Variants in TPD52L2 observed in about 807,000 individuals in gnomAD.
TPD52L2 encodes the protein TPD52 like 2, also known as tumor protein D54.
TPD52L2 carries 19 observed loss-of-function variants against 24.7 expected under a neutral mutation model. The observed-to-expected ratio is 0.77, with a 90% confidence interval of 0.54 to 1.13. The LOEUF (loss-of-function observed/expected upper bound fraction) is 1.13, where lower values mean the gene tolerates loss of function less well. Among genes scored for constraint, TPD52L2 ranks in the 50% most tolerant of loss-of-function variants. The pLI, the probability that TPD52L2 is intolerant of heterozygous loss-of-function variation, is 0.00. For missense variants in TPD52L2, 236 were observed against 250.4 expected (o/e 0.94, Z 0.39); for synonymous variants, 104 against 100.2 (o/e 1.04, Z -0.23).
In TPD52L2 at chr20:63,887,824, G is replaced by C; in HGVS notation, c.477-1366G>C. 4 of 592,080 alleles carry C rather than the reference G, an allele frequency of 6.8e-6. No individual in the cohort carries two copies. The South Asian group carries it at 7.9e-5, about 12-fold the overall frequency. The allele number at this position is 592,080 out of a possible 1,614,324, so 36.7% of individuals were successfully genotyped here. ...AGGCTCTTCACCTGCAGCCTCCAGA[G>C]GAGATCCTTGTGTCAAACTGGGCCG... On this transcript the variant is annotated intron_variant, in intron 5 of 6. Coordinates refer to ENST00000346249, the MANE Select transcript of TPD52L2 (RefSeq NM_003288.4).
At chr20:63,880,664 G>A (rs1271691721) in intron 4 of TPD52L2, among the ~76,000 whole-genome samples, 1 of 151,872 alleles carries the variant, frequency 6.6e-6, no homozygotes, top group Admixed American at 6.6e-5. Flanking sequence ...GCTGAGGCAG[G>A]CGGATCACGA....
At chr20:63,868,859 T>G (rs1387585500) in intron 1 of TPD52L2, among the ~76,000 whole-genome samples, 9 of 152,174 alleles carry the variant, frequency 5.9e-5, no homozygotes, top group Admixed American at 5.9e-4. Flanking sequence ...GAGAATCACT[T>G]GAACCCGGGA....
At chr20:63,875,003 G>T (rs190863803) in intron 3 of TPD52L2, among the ~76,000 whole-genome samples, 5 of 151,958 alleles carry the variant, frequency 3.3e-5, no homozygotes, top group African/African-American at 1.2e-4. Flanking sequence ...TTAGCTGGGC[G>T]TGGTGGTGCG....
At chr20:63,875,955 A>G (rs887988933) in intron 4 of TPD52L2, 80 bp downstream of exon 4, 2 of 1,390,944 alleles carry the variant, frequency 1.4e-6, no homozygotes, top group African/African-American at 2.9e-5. Context: ...GGCTGTGCAC[A>G]CTTGGCACAA....
chr20:63,884,160 A>G (rs1404601543), intron 5 of TPD52L2, among the ~76,000 whole-genome samples: 4 of 152,144 alleles, frequency 2.6e-5, no homozygotes, highest in African/African-American at 9.7e-5. Context: ...GCACCCTCAC[A>G]CGCCCAAGGC....
At chr20:63,869,486 G>T in intron 2 of TPD52L2, 45 bp downstream of exon 2, 4 of 1,607,222 alleles carry the variant, frequency 2.5e-6, no homozygotes, top group Non-Finnish European at 3.4e-6. Flanking sequence ...TGGAGTTAAG[G>T]CCCTCTTGGA....
chr20:63,889,671 G>C (rs981556720), intron 6 of TPD52L2, among the ~76,000 whole-genome samples, 179 bp from the exon 7 acceptor site: 1 of 152,188 alleles, frequency 6.6e-6, no homozygotes, highest in African/African-American at 2.4e-5. Flanking sequence ...GTCTTCATTT[G>C]GCATCGTTCT....
At chr20:63,867,960 G>A (rs1473790209) in intron 1 of TPD52L2, among the ~76,000 whole-genome samples, 1 of 146,988 alleles carries the variant, frequency 6.8e-6, no homozygotes, top group African/African-American at 2.5e-5. Context: ...TTTTTTTAAA[G>A]AATTTTTTTT....
At chr20:63,887,484 T>A (rs1410998447) in intron 5 of TPD52L2, 2 of 1,484,212 alleles carry the variant, frequency 1.3e-6, no homozygotes, top group African/African-American at 1.4e-5. Context: ...GCTCTGCCCA[T>A]CCCTGCCAAG....
At chr20:63,883,339 G>C (rs1337154004) in intron 5 of TPD52L2, among the ~76,000 whole-genome samples, 1 of 152,192 alleles carries the variant, frequency 6.6e-6, no homozygotes, top group South Asian at 2.1e-4. Context: ...AAGCAGGGCT[G>C]GGGCCAAGGA....
At position 63,890,993 on chromosome 20, in the gene TPD52L2, G is replaced by T. The variant is rs1259623680; in HGVS notation, c.*1048G>T. The T allele has an allele frequency of 6.6e-6, 1 of 152,596 alleles. No individual in the cohort carries two copies. Among genetic ancestry groups the T allele is most frequent in the Non-Finnish European group, 1.5e-5 (1 of 68,100 alleles). The allele number at this position is 152,596 out of a possible 1,614,324, so 9.5% of individuals were successfully genotyped here. ...GTCAGTGACTCCAACCCTCCTGCTT[G>T]CTGTACTTGGGATGAAACGACCCCA... is the stretch of plus-strand genomic sequence containing the variant. On this transcript the variant is annotated 3_prime_UTR_variant, in exon 7 of 7. Coordinates refer to ENST00000346249, the MANE Select transcript of TPD52L2 (RefSeq NM_003288.4).
At position 63,873,651 on chromosome 20, in the gene TPD52L2, A is replaced by G. The variant is rs757854599; in HGVS notation, c.166-17A>G. The G allele has an allele frequency of 8.7e-6, 14 of 1,610,574 alleles. No individual in the cohort carries two copies. The highest frequency in any genetic ancestry group is 1.0e-5 in the Non-Finnish European group (12 of 1,178,734). On this transcript the variant is annotated splice_polypyrimidine_tract_variant and intron_variant, in intron 2 of 6. Transcript: ENST00000346249. The stretch of plus-strand genomic sequence containing the variant: ...TGCAGTAGTGATGGCTCATCATGTC[A>G]ACTGCATGCTTTGCAGGTGGAAGAG...
At chr20:63,874,523 G>A (rs531442320) in intron 3 of TPD52L2, among the ~76,000 whole-genome samples, 171 of 152,030 alleles carry the variant, frequency 1.1e-3, no homozygotes, top group African/African-American at 3.9e-3. Context: ...ACAGGCGTGC[G>A]CCACCATGCC....
intron 5 of TPD52L2, among the ~76,000 whole-genome samples, chr20:63,886,533 T>A (rs1229749105): frequency 1.3e-5 from 2 of 152,014 alleles, no homozygotes; most frequent in Admixed American, 1.3e-4. Context: ...GGCTAATTTT[T>A]TGTATTTTTA....
At chr20:63,889,793 C>G (rs901630299) in intron 6 of TPD52L2, 57 bp from the exon 7 acceptor site, 3 of 1,532,872 alleles carry the variant, frequency 2.0e-6, no homozygotes, top group Non-Finnish European at 2.7e-6. Context: ...CTGGGATCTG[C>G]CTTGTGTTGT....
At chr20:63,870,889 C>T (rs1252184117) in intron 2 of TPD52L2, among the ~76,000 whole-genome samples, 1 of 151,110 alleles carries the variant, frequency 6.6e-6, no homozygotes, top group Non-Finnish European at 1.5e-5. Context: ...ATCTAATTTT[C>T]GTATTTTTAG....
chr20:63,875,898 C>A, intron 4 of TPD52L2, 23 bp downstream of exon 4: 2 of 1,609,952 alleles, frequency 1.2e-6, no homozygotes, highest in Non-Finnish European at 1.7e-6. Flanking sequence ...ATCATCAGCA[C>A]CTCCTCCTTC....
At chr20:63,871,613 G>T (rs900740665) in intron 2 of TPD52L2, among the ~76,000 whole-genome samples, 1 of 151,028 alleles carries the variant, frequency 6.6e-6, no homozygotes, top group Non-Finnish European at 1.5e-5. Context: ...GCCTCCCATA[G>T]TGCTGGGATT....
intron 1 of TPD52L2, among the ~76,000 whole-genome samples, chr20:63,866,064 T>G (rs1453467710): frequency 2.6e-5 from 4 of 152,176 alleles, no homozygotes; most frequent in South Asian, 2.1e-4. Context: ...CCTTGCATTT[T>G]GGGGCTCTAG....
Sources: allele counts gnomAD v4.1 joint callset (sites outside exome capture counted in the v4.1 genomes callset), GRCh38; gene constraint gnomAD v4.1.1; transcripts MANE v1.5; gene names NCBI Gene and HGNC (gene_info 2026-07-23, HGNC 2026-07-21).